RABGAP1L: variants seen among roughly 807,000 people sequenced by gnomAD.
RABGAP1L encodes the protein RAB GTPase activating protein 1 like.
In RABGAP1L, 63 loss-of-function variants were observed where a neutral mutation model predicts 137.7. The observed-to-expected ratio is 0.46, with a 90% CI of 0.37 to 0.56. The LOEUF is 0.56. Ranked by LOEUF, RABGAP1L falls within the 20% of genes least tolerant of loss-of-function variation. The pLI, the probability that RABGAP1L is intolerant of heterozygous loss-of-function variation, is 0.00. For synonymous variants in RABGAP1L, 431 were observed against 433.7 expected (o/e 0.99, Z 0.08); for missense variants, 1,095 against 1,244.0 (o/e 0.88, Z 1.80).
At chr1:174,576,723 C>G (rs762213489) in intron 13 of RABGAP1L, among the ~76,000 whole-genome samples, 6 of 152,158 alleles carry the variant, frequency 3.9e-5, no homozygotes, top group Non-Finnish European at 5.9e-5. Flanking sequence ...TGAAACTGAG[C>G]TAGATCTCTA....
intron 12 of RABGAP1L, among the ~76,000 whole-genome samples, chr1:174,390,582 G>A (rs1266320680): frequency 6.6e-6 from 1 of 152,094 alleles, no homozygotes; most frequent in African/African-American, 2.4e-5. Context: ...CTTTCATTCT[G>A]CCTACAATGT....
intron 11 of RABGAP1L, among the ~76,000 whole-genome samples, chr1:174,316,077 C>G (rs1679351715): frequency 6.6e-6 from 1 of 152,152 alleles, no homozygotes; most frequent in South Asian, 2.1e-4. Flanking sequence ...AGCGTTTCTG[C>G]TTAATCTGAA....
At chr1:174,401,654 G>A (rs1452596156) in intron 13 of RABGAP1L, among the ~76,000 whole-genome samples, 1 of 152,176 alleles carries the variant, frequency 6.6e-6, no homozygotes, top group African/African-American at 2.4e-5. Context: ...TTATCAAACA[G>A]TATCTCTTCT....
chr1:174,514,589 C>T (rs1023290877), intron 13 of RABGAP1L, among the ~76,000 whole-genome samples: 1 of 152,156 alleles, frequency 6.6e-6, no homozygotes, highest in African/African-American at 2.4e-5. Flanking sequence ...AACATTGAGG[C>T]CAAAATTACA....
Position 174,340,281 on chromosome 1 carries a change from T to C in RABGAP1L, c.1466-30698T>C, listed in dbSNP as rs570372504. Among the ~76,000 whole-genome samples, 27 of 152,356 alleles carry C rather than the reference T, an allele frequency of 1.8e-4. 1 individual carries two copies. In the East Asian group the frequency reaches 4.2e-3, roughly 24 times the overall value. ...TAGTTCTGAATTAGCCAGTACCCCA[T>C]GGAATGTTATCCTTAGTTCTTCCTT... On this transcript the variant is annotated intron_variant, in intron 11 of 25. Coordinates refer to ENST00000681986, the MANE Select transcript of RABGAP1L (RefSeq NM_001366446.1).
chr1:174,800,262 C>T, intron 18 of RABGAP1L: 1 of 1,473,010 alleles, frequency 6.8e-7, no homozygotes, highest in Non-Finnish European at 9.0e-7. Flanking sequence ...CCTGGCTCCC[C>T]TCCCACCGCA....
At position 174,840,435 on chromosome 1, in the gene RABGAP1L, G is replaced by A. The variant is rs568457789; in HGVS notation, c.2340+28475G>A. Among the ~76,000 whole-genome samples the A allele has an allele frequency of 2.6e-5, 4 of 152,164 alleles. No homozygotes were observed. In the East Asian group the frequency reaches 5.8e-4, roughly 22 times the overall value. ...CAAAGCTGGCAGAACTTTCTAGGGG[G>A]CAAAACCAATAATGCCCAGTTTATG... On this transcript the variant is annotated intron_variant, in intron 19 of 25. Coordinates refer to ENST00000681986, the MANE Select transcript of RABGAP1L (RefSeq NM_001366446.1).
intron 19 of RABGAP1L, among the ~76,000 whole-genome samples, chr1:174,934,008 G>A (rs1385563304): frequency 1.3e-5 from 2 of 152,194 alleles, no homozygotes; most frequent in East Asian, 3.8e-4. Context: ...AAGCCTTACA[G>A]TTAATAAATA....
At chr1:174,954,982 C>T (rs1292102530) in intron 19 of RABGAP1L, among the ~76,000 whole-genome samples, 1 of 152,204 alleles carries the variant, frequency 6.6e-6, no homozygotes, top group Non-Finnish European at 1.5e-5. Flanking sequence ...ATTGAGACTG[C>T]TATCAAAGCC....
intron 11 of RABGAP1L, among the ~76,000 whole-genome samples, chr1:174,315,386 G>C (rs149731744): frequency 2.0e-5 from 3 of 151,992 alleles, no homozygotes; most frequent in Non-Finnish European, 4.4e-5. Flanking sequence ...ATATGTGTCC[G>C]TGTAGGTGAA....
At chr1:174,874,578 CTTT>C (rs10530813) in intron 19 of RABGAP1L, 23,249 of 229,548 alleles carry the variant, frequency 0.1, 8 homozygotes, top group Non-Finnish European at 0.11. Flanking sequence ...ACACCACTGC[CTTT>C]TTTTTTTTTT....
chr1:174,879,218 A>C (rs909311666), intron 19 of RABGAP1L, among the ~76,000 whole-genome samples: 3 of 151,308 alleles, frequency 2.0e-5, no homozygotes, highest in African/African-American at 4.9e-5. Flanking sequence ...CTCCTGCTTC[A>C]GCCTCCCAAG....
intron 4 of RABGAP1L, among the ~76,000 whole-genome samples, chr1:174,231,624 T>C (rs1306895488): frequency 6.6e-6 from 1 of 152,104 alleles, no homozygotes; most frequent in East Asian, 1.9e-4. Flanking sequence ...CTGCAGGGTG[T>C]ATAGGAAACA....
chr1:174,813,573 G>A (rs150783837), intron 19 of RABGAP1L, among the ~76,000 whole-genome samples: 1 of 152,168 alleles, frequency 6.6e-6, no homozygotes, highest in Non-Finnish European at 1.5e-5. Flanking sequence ...TAAGTAACTG[G>A]GCAGAAAAAA....
Position 174,539,112 on chromosome 1 carries a change from A to C in RABGAP1L, c.1711-98263A>C, listed in dbSNP as rs59123040. Among the ~76,000 whole-genome samples the C allele has an allele frequency of 4.8e-3, 725 of 152,256 alleles. 7 individuals are homozygous for C. The highest frequency in any genetic ancestry group is 0.016 in the African/African-American group (684 of 41,568). On this transcript the variant is annotated intron_variant, in intron 13 of 25. Transcript: ENST00000681986. ...GCTCCTATTTACAGTATAGTTTTCAAGAATAAATTACCTAATACTGGCCCA... is the reference window on the plus strand; with the variant it reads ...GCTCCTATTTACAGTATAGTTTTCACGAATAAATTACCTAATACTGGCCCA...
chr1:174,535,814 A>G (rs961245921), intron 13 of RABGAP1L, among the ~76,000 whole-genome samples: 2 of 152,212 alleles, frequency 1.3e-5, no homozygotes, highest in Admixed American at 6.5e-5. Flanking sequence ...TTTCATTAAA[A>G]TAGAAAACTC....
chr1:174,242,115 T>C (rs1252357548), intron 5 of RABGAP1L, among the ~76,000 whole-genome samples: 2 of 152,260 alleles, frequency 1.3e-5, no homozygotes, highest in African/African-American at 4.8e-5. Context: ...TTGATGATTA[T>C]TTGTTTTGTG....
intron 13 of RABGAP1L, among the ~76,000 whole-genome samples, chr1:174,400,053 A>T (rs1470088067): frequency 6.6e-6 from 1 of 152,210 alleles, no homozygotes; most frequent in African/African-American, 2.4e-5. Flanking sequence ...CCCACAAATC[A>T]CATTCTGAAG....
At chr1:174,648,173 T>C (rs1572672681) in intron 14 of RABGAP1L, among the ~76,000 whole-genome samples, 1 of 152,100 alleles carries the variant, frequency 6.6e-6, no homozygotes, top group East Asian at 1.9e-4. Flanking sequence ...TTCATTGAGT[T>C]TTTTTTGAAG....
Sources: allele counts gnomAD v4.1 joint callset (sites outside exome capture counted in the v4.1 genomes callset), GRCh38; gene constraint gnomAD v4.1.1; transcripts MANE v1.5; gene names NCBI Gene and HGNC (gene_info 2026-07-23, HGNC 2026-07-21).